Variants in WLS observed in about 807,000 individuals in gnomAD.
WLS encodes the protein Wnt ligand secretion mediator.
A neutral mutation model predicts 62.8 loss-of-function variants in WLS; 23 were observed. The ratio of observed to expected loss-of-function variants is 0.37; its 90% CI spans 0.26 to 0.52. The LOEUF (loss-of-function observed/expected upper bound fraction) is 0.52. Ranked by LOEUF, WLS falls within the 20% of genes least tolerant of loss-of-function variation. The pLI is 0.92. For missense variants in WLS, 615 were observed against 697.3 expected, an observed-to-expected ratio of 0.88 and a Z score of 1.33; for synonymous variants, 246 against 244.1, an observed-to-expected ratio of 1.01 and a Z score of -0.07.
intron 1 of WLS, among the ~76,000 whole-genome samples, chr1:68,211,597 G>T (rs1347334106): frequency 6.6e-6 from 1 of 152,218 alleles, no homozygotes; most frequent in East Asian, 1.9e-4. Flanking sequence ...AGGTCGTTCA[G>T]TAAATTGAGA....
In WLS at chr1:68,126,188, G is replaced by T; in HGVS notation, c.*38C>A. On this transcript the variant is annotated 3_prime_UTR_variant, in exon 12 of 12. Coordinates refer to ENST00000262348, the MANE Select transcript of WLS (RefSeq NM_024911.7). ...TCCCCACTCTAGTTAGAGGGGCTGG[G>T]GTATGGAGAGACCGTCCCAGCCGGG... 6.2e-7 allele frequency: 1 copy of T among 1,612,110 alleles called. No individual in the cohort carries two copies. The highest frequency in any genetic ancestry group is 8.5e-7 in the Non-Finnish European group (1 of 1,179,120).
intron 2 of WLS, chr1:68,162,221 G>A (rs2100508980): frequency 4.7e-6 from 7 of 1,476,432 alleles, no homozygotes; most frequent in Non-Finnish European, 6.6e-6. Flanking sequence ...GCTGCCCCTC[G>A]TATCCTGCCC....
chr1:68,131,354 G>C (rs547757300), intron 11 of WLS, among the ~76,000 whole-genome samples: 2 of 152,058 alleles, frequency 1.3e-5, no homozygotes, highest in Non-Finnish European at 2.9e-5. Context: ...CTAGCATATC[G>C]GCACTGGTGT....
At chr1:68,199,939 T>C (rs1452516107) in intron 1 of WLS, among the ~76,000 whole-genome samples, 2 of 152,164 alleles carry the variant, frequency 1.3e-5, no homozygotes, top group Admixed American at 6.5e-5. Context: ...CATCAGGTAA[T>C]AATAGCCTTC....
chr1:68,131,123 G>C (rs190133441), intron 11 of WLS, among the ~76,000 whole-genome samples: 1 of 150,894 alleles, frequency 6.6e-6, no homozygotes, highest in African/African-American at 2.4e-5. Flanking sequence ...GCATTAGCCA[G>C]GATGGTCTCG....
intron 11 of WLS, among the ~76,000 whole-genome samples, chr1:68,129,223 G>A (rs1392566690): frequency 6.6e-6 from 1 of 152,166 alleles, no homozygotes; most frequent in Non-Finnish European, 1.5e-5. Context: ...TACTCAGTAG[G>A]CTCAGGCAGA....
chr1:68,204,594 A>C (rs1649198604), intron 1 of WLS, among the ~76,000 whole-genome samples: 1 of 152,172 alleles, frequency 6.6e-6, no homozygotes, highest in Non-Finnish European at 1.5e-5. Context: ...GGCTTGAGCC[A>C]CCGCGCCCGG....
chr1:68,144,165 A>T (rs1646722575), intron 10 of WLS, among the ~76,000 whole-genome samples: 1 of 152,236 alleles, frequency 6.6e-6, no homozygotes. Context: ...TTTGAATTAC[A>T]TTTCATATTT....
At chr1:68,229,593 A>C (rs559116717) in intron 1 of WLS, among the ~76,000 whole-genome samples, 1 of 152,142 alleles carries the variant, frequency 6.6e-6, no homozygotes, top group African/African-American at 2.4e-5. Flanking sequence ...CTTTGTTGCT[A>C]TTCTTTCCTT....
intron 10 of WLS, chr1:68,142,733 G>A (rs372862672): frequency 2.0e-5 from 3 of 152,080 alleles, no homozygotes; most frequent in East Asian, 3.9e-4. Context: ...TTTTTTCCAC[G>A]TTCATTTCAA....
chr1:68,177,628 G>T (rs1289118627), intron 2 of WLS, among the ~76,000 whole-genome samples: 1 of 152,050 alleles, frequency 6.6e-6, no homozygotes, highest in Admixed American at 6.6e-5. Context: ...CAAGCAGCTG[G>T]GACTACAGGG....
At chr1:68,212,157 C>G (rs1228954036) in intron 1 of WLS, among the ~76,000 whole-genome samples, 1 of 152,162 alleles carries the variant, frequency 6.6e-6, no homozygotes, top group African/African-American at 2.4e-5. Flanking sequence ...GACAATCCAG[C>G]CAGTCTGTGG....
At chr1:68,227,418 AAAAAAAAG>A (rs887618048) in intron 1 of WLS, among the ~76,000 whole-genome samples, 12 of 151,974 alleles carry the variant, frequency 7.9e-5, no homozygotes, top group African/African-American at 2.9e-4. Flanking sequence ...AAAAAAAAAA[AAAAAAAAG>A]AGCAATTAGA....
intron 2 of WLS, chr1:68,163,049 C>A: frequency 6.3e-7 from 1 of 1,577,910 alleles, no homozygotes; most frequent in Non-Finnish European, 8.7e-7. Context: ...AAATTCTGTC[C>A]AATTGCTGTC....
Position 68,198,956 on chromosome 1 carries a change from C to T in WLS, c.107-4729G>A, listed in dbSNP as rs1482272382. Among the ~76,000 whole-genome samples, 3 of 152,266 alleles carry T rather than the reference C, an allele frequency of 2.0e-5. No homozygotes were observed. In the East Asian group the frequency reaches 5.8e-4, roughly 29 times the overall value. On this transcript the variant is annotated intron_variant, in intron 1 of 11. Transcript: ENST00000262348. ...TGTTATTTCACTTCAAATGGCTATC[C>T]AGTTTACAAATTACTATCTAGCCAA...
intron 1 of WLS, among the ~76,000 whole-genome samples, chr1:68,196,182 G>C (rs146356544): frequency 2.2e-4 from 34 of 151,588 alleles, no homozygotes; most frequent in African/African-American, 7.2e-4. Context: ...ATAAATTAAT[G>C]TGGACAGAAT....
At chr1:68,164,808 G>T (rs957393194) in intron 2 of WLS, among the ~76,000 whole-genome samples, 3 of 152,174 alleles carry the variant, frequency 2.0e-5, no homozygotes, top group Non-Finnish European at 4.4e-5. Flanking sequence ...TCCCATCTGT[G>T]CAAGATCCAA....
intron 11 of WLS, among the ~76,000 whole-genome samples, chr1:68,115,836 CA>C (rs1034159591): frequency 2.0e-5 from 3 of 152,198 alleles, no homozygotes; most frequent in Non-Finnish European, 4.4e-5. Context: ...TTTAAATTAA[CA>C]AATAGCAATC....
downstream of WLS, among the ~76,000 whole-genome samples, chr1:68,122,370 G>T (rs144660060): frequency 9.4e-3 from 1,429 of 152,310 alleles, 17 homozygotes; most frequent in African/African-American, 0.032. Flanking sequence ...CTTTATCTCA[G>T]TTCTGAGAAA....
Sources: gnomAD v4.1 joint callset for allele counts (sites outside exome capture counted in the v4.1 genomes callset) on GRCh38, gnomAD v4.1.1 for gene constraint, MANE v1.5 for transcripts, NCBI Gene and HGNC (gene_info 2026-07-23, HGNC 2026-07-21) for gene names.